The following ITGB3 variants were observed in gnomAD, a reference collection of about 807,000 sequenced individuals.
ITGB3 encodes integrin subunit beta 3.
In ITGB3, 48 loss-of-function variants were observed where a neutral mutation model predicts 85.8. The ratio of observed to expected loss-of-function variants is 0.56; its 90% CI spans 0.44 to 0.71. The LOEUF (loss-of-function observed/expected upper bound fraction) is 0.71, where lower values mean the gene tolerates loss of function less well. ITGB3 is among the 30% of genes least tolerant of loss of function. The pLI, the probability that ITGB3 is intolerant of heterozygous loss-of-function variation, is 0.00. For synonymous variants in ITGB3, 363 were observed against 395.6 expected (o/e 0.92, Z 0.98); for missense variants, 861 against 1,019.1 (o/e 0.84, Z 2.11).
chr17:47,290,292 G>A lies in ITGB3; in HGVS notation c.1125+18G>A, dbSNP rs759725774. 5 of 1,604,258 alleles carry A rather than the reference G, an allele frequency of 3.1e-6. No individual in the cohort carries two copies. The Admixed American group carries it at 6.7e-5, about 21-fold the overall frequency. The stretch of plus-strand genomic sequence containing the variant: ...CTTATGGGGTAAGTGTCTTGTGCTG[G>A]GAATAGTCCCGCGGAGAGTCCACCT... On this transcript the variant is annotated intron_variant, in intron 8 of 14. Transcript: ENST00000559488.
intron 8 of ITGB3, among the ~76,000 whole-genome samples, 180 bp downstream of exon 8, chr17:47,290,454 A>AAGGG (rs1006920011): frequency 2.6e-5 from 4 of 151,030 alleles, no homozygotes; most frequent in Non-Finnish European, 1.5e-5. Context: ...TCTGAGAAGG[A>AAGGG]AGGAAGGAAG....
At position 47,299,158 on chromosome 17, in the gene ITGB3, A is replaced by G. The variant is rs111272598; in HGVS notation, c.1691-150A>G. The G allele has an allele frequency of 2.8e-4, 208 of 747,444 alleles. No individual in the cohort carries two copies. The African/African-American group carries it at 3.0e-3, about 11-fold the overall frequency. 46.3% of individuals were successfully genotyped at this position (747,444 alleles called of 1,614,324 possible). A position where few individuals can be genotyped will look rare whatever the true frequency, so the allele number is the denominator to read the frequency against. On this transcript the variant is annotated intron_variant, in intron 10 of 14. Coordinates refer to ENST00000559488, the MANE Select transcript of ITGB3 (RefSeq NM_000212.3). The surrounding 1 kb of genome is among the most constrained non-coding windows in gnomAD (Gnocchi z 5.1). Reference sequence around the variant, plus strand: ...AAAACTGAGTTTGTCCCTGCTGGGTAGGACTCCCCTGGGTGGTGAGCCAAT... The same window carrying G: ...AAAACTGAGTTTGTCCCTGCTGGGTGGGACTCCCCTGGGTGGTGAGCCAAT...
chr17:47,292,424 G>A lies in ITGB3; in HGVS notation c.1546G>A (p.Glu516Lys), dbSNP rs1173518807. Residue 516 changes from glutamate (E) to lysine (K), a missense_variant, in exon 10 of 15, where the codon GAG becomes AAG. Physicochemically the swap from Glu to Lys is moderately conservative, Grantham distance 56. Coordinates refer to ENST00000559488, the MANE Select transcript of ITGB3 (RefSeq NM_000212.3). ...PSQQDECSPR[E>K]GQPVCSQRGE... Reference sequence around the variant, plus strand: ...CCAGCAGGACGAATGCAGCCCCCGGGAGGGTCAGCCCGTCTGCAGCCAGCG... The same window carrying A: ...CCAGCAGGACGAATGCAGCCCCCGGAAGGGTCAGCCCGTCTGCAGCCAGCG... 2.5e-6 allele frequency: 4 copies of A among 1,611,268 alleles called. No homozygotes were observed. The highest frequency in any genetic ancestry group is 3.4e-6 in the Non-Finnish European group (4 of 1,177,620).
chr17:47,271,440 GA>G (rs1341646550), intron 1 of ITGB3, among the ~76,000 whole-genome samples: 2 of 152,172 alleles, frequency 1.3e-5, no homozygotes, highest in Non-Finnish European at 2.9e-5. Flanking sequence ...AGTTCAAAAG[GA>G]ATTTCAAAGA....
intron 1 of ITGB3, chr17:47,259,493 TAGTTG>T (rs1192183163): frequency 1.3e-5 from 2 of 152,200 alleles, no homozygotes; most frequent in African/African-American, 4.8e-5. Flanking sequence ...CTCGGTTTTA[TAGTTG>T]AGTTAGTTCA....
chr17:47,302,827 G>A lies in ITGB3; in HGVS notation c.2121G>A (p.Val707=). 6.2e-7 allele frequency: 1 copy of A among 1,614,176 alleles called. No homozygotes were observed. The highest frequency in any genetic ancestry group is 8.5e-7 in the Non-Finnish European group (1 of 1,180,010). The change falls in exon 13 of 15, where the codon GTG becomes GTA. Residue 707 remains valine (V), a synonymous_variant. Coordinates refer to ENST00000559488, the MANE Select transcript of ITGB3 (RefSeq NM_000212.3). ...CTAGTGGAAAGTCCATCCTGTATGT[G>A]GTAGAAGAGCCAGGTGAGTGAACCC... ...EDSSGKSILY[V]VEEPECPKGP... is the part of the protein sequence containing the mutation.
chr17:47,262,665 G>A (rs939519337), intron 1 of ITGB3, among the ~76,000 whole-genome samples: 7 of 152,166 alleles, frequency 4.6e-5, no homozygotes, highest in Non-Finnish European at 1.5e-5. Context: ...TCATACAACT[G>A]GCTCAGTGGC....
At chr17:47,256,875 C>G (rs1318440823) in intron 1 of ITGB3, among the ~76,000 whole-genome samples, 1 of 152,178 alleles carries the variant, frequency 6.6e-6, no homozygotes, top group African/African-American at 2.4e-5. Flanking sequence ...TCGAAGCCCT[C>G]TGCAGGTATC....
intron 5 of ITGB3, 89 bp from the exon 6 acceptor site, chr17:47,286,981 G>A: frequency 7.2e-7 from 1 of 1,386,224 alleles, no homozygotes; most frequent in South Asian, 1.2e-5. Flanking sequence ...CCTTTAGCCA[G>A]GGAGCACCTT....
chr17:47,253,878 G>C lies in ITGB3; in HGVS notation c.17G>C (p.Arg6Pro), dbSNP rs762907751. MRARPRPRPLWATVLA... is the reference protein window; with the variant it reads MRARPPPRPLWATVLA... ...GCGGACGAGATGCGAGCGCGGCCGC[G>C]GCCCCGGCCGCTCTGGGCGACTGTG... The change falls in exon 1 of 15, where the codon CGG becomes CCG. Residue 6 changes from arginine (R) to proline (P), a missense_variant. Physicochemically the swap from Arg to Pro is moderately radical, Grantham distance 103. Coordinates refer to ENST00000559488, the MANE Select transcript of ITGB3 (RefSeq NM_000212.3). The C allele has an allele frequency of 2.7e-5, 34 of 1,256,870 alleles. No homozygotes were observed. The highest frequency in any genetic ancestry group is 4.0e-5 in the Admixed American group (1 of 24,764). 77.9% of individuals were successfully genotyped at this position (1,256,870 alleles called of 1,614,324 possible). A position where few individuals can be genotyped will look rare whatever the true frequency, so the allele number is the denominator to read the frequency against.
intron 10 of ITGB3, among the ~76,000 whole-genome samples, chr17:47,298,325 T>C (rs1161068726): frequency 2.0e-5 from 3 of 152,166 alleles, no homozygotes; most frequent in Non-Finnish European, 4.4e-5. Context: ...CTGACTTCTT[T>C]TCTCTATGGC....
intron 2 of ITGB3, among the ~76,000 whole-genome samples, chr17:47,276,898 A>C (rs1025810298): frequency 6.6e-6 from 1 of 152,184 alleles, no homozygotes; most frequent in African/African-American, 2.4e-5. Context: ...CAAACCTTGG[A>C]GAGCCCTCTG....
intron 1 of ITGB3, among the ~76,000 whole-genome samples, chr17:47,266,354 G>T (rs1376775010): frequency 6.6e-6 from 1 of 152,194 alleles, no homozygotes; most frequent in Non-Finnish European, 1.5e-5. Context: ...CTACAGTCCA[G>T]CATCCTGTCT....
chr17:47,258,327 A>G lies in ITGB3; in HGVS notation c.79+4387A>G, dbSNP rs772291570. 9.2e-5 allele frequency among the ~76,000 whole-genome samples: 14 copies of G among 152,180 alleles called. 1 individual carries two copies. The highest frequency in any genetic ancestry group is 8.3e-4 in the South Asian group (4 of 4,828). The stretch of plus-strand genomic sequence containing the variant: ...ATGACTCTGTTTAGGGGAACTGCCT[A>G]TTCCCCGTGTGGGAACTGCTGGCAT... On this transcript the variant is annotated intron_variant, in intron 1 of 14. Coordinates refer to ENST00000559488, the MANE Select transcript of ITGB3 (RefSeq NM_000212.3).
At chr17:47,288,095 C>T (rs2065110210) in intron 6 of ITGB3, among the ~76,000 whole-genome samples, 1 of 151,550 alleles carries the variant, frequency 6.6e-6, no homozygotes, top group Non-Finnish European at 1.5e-5. Context: ...TCTATGTTGC[C>T]CAGGCTGGTC....
rs2065152964 is a variant in ITGB3, at chr17:47,298,263, G to A, written c.1691-1045G>A. On this transcript the variant is annotated intron_variant, in intron 10 of 14. Transcript: ENST00000559488. ...GTCATTACTAGTGATTGTCTCTACT[G>A]CTGTTCACCTTAGGAAAATCTCTCT... 2.0e-5 allele frequency among the ~76,000 whole-genome samples: 3 copies of A among 152,212 alleles called. 1 individual carries two copies. In the South Asian group the frequency reaches 6.2e-4, roughly 32 times the overall value.
chr17:47,300,651 C>A, intron 12 of ITGB3, 73 bp downstream of exon 12: 1 of 1,075,164 alleles, frequency 9.3e-7, no homozygotes, highest in Non-Finnish European at 1.4e-6. Context: ...AGAACCTATC[C>A]AACTCCCACC....
intron 10 of ITGB3, among the ~76,000 whole-genome samples, chr17:47,297,158 G>A (rs1287457779): frequency 6.6e-6 from 1 of 152,058 alleles, no homozygotes; most frequent in Non-Finnish European, 1.5e-5. Context: ...ACATCTTCTG[G>A]AAAGACCATA....
rs535649246 is a variant in ITGB3 at position 47,298,177 on chromosome 17, G to A, written c.1691-1131G>A. The stretch of plus-strand genomic sequence containing the variant: ...GCAAACATTTCTCCACCTGTTGAGT[G>A]CAGAGGCAGGAACCAGGATGAGTCA... On this transcript the variant is annotated intron_variant, in intron 10 of 14. Coordinates refer to ENST00000559488, the MANE Select transcript of ITGB3 (RefSeq NM_000212.3). Among the ~76,000 whole-genome samples the A allele has an allele frequency of 5.3e-5, 8 of 152,302 alleles. No homozygotes were observed. The South Asian group carries it at 1.7e-3, about 32-fold the overall frequency.
Sources: gnomAD v4.1 joint callset for allele counts (sites outside exome capture counted in the v4.1 genomes callset) on GRCh38, gnomAD v4.1.1 for gene constraint, Gnocchi (gnomAD v3.1) non-coding constraint, MANE v1.5 for transcripts, NCBI Gene and HGNC (gene_info 2026-07-23, HGNC 2026-07-21) for gene names.